Variants in POC1B observed in about 807,000 individuals in gnomAD.
POC1B encodes POC1 centriolar protein B.
Under a neutral mutation model 60.6 loss-of-function variants are expected in POC1B, and 44 were observed. The observed-to-expected ratio is 0.73, with a 90% CI of 0.57 to 0.93. The LOEUF (loss-of-function observed/expected upper bound fraction) is 0.93, where lower values mean the gene tolerates loss of function less well. Ranked by LOEUF, POC1B falls within the 40% of genes least tolerant of loss-of-function variation. The pLI is 0.00. For missense variants in POC1B, 555 were observed against 572.3 expected (o/e 0.97, Z 0.31); for synonymous variants, 180 against 198.9 (o/e 0.90, Z 0.80).
intron 7 of POC1B, among the ~76,000 whole-genome samples, chr12:89,469,259 C>T (rs1882798661): frequency 6.6e-6 from 1 of 151,978 alleles, no homozygotes; most frequent in African/African-American, 2.4e-5. Context: ...GAATCCATCT[C>T]AAAAATAAAG....
chr12:89,522,194 G>C (rs1870941935), intron 2 of POC1B: 1 of 398,476 alleles, frequency 2.5e-6, no homozygotes, highest in Admixed American at 4.4e-5. Flanking sequence ...TTTAAATATG[G>C]GTATGTCTGC....
In POC1B at chr12:89,523,920, G is replaced by A. The variant is rs546343531; in HGVS notation, c.100+1200C>T. On this transcript the variant is annotated intron_variant, in intron 2 of 11. Coordinates refer to ENST00000313546, the MANE Select transcript of POC1B (RefSeq NM_172240.3). ...TGGCGAAAGTGGCCCCAATCAGACG[G>A]GCCCTAACCAGCCCCTCTCGCTTAT... The A allele has an allele frequency of 4.4e-6, 7 of 1,607,232 alleles. No homozygotes were observed. The Admixed American group carries it at 1.2e-4, about 27-fold the overall frequency.
At chr12:89,416,650 C>T (rs1880371613), downstream of POC1B, among the ~76,000 whole-genome samples, 1 of 152,174 alleles carries the variant, frequency 6.6e-6, no homozygotes, top group East Asian at 1.9e-4. Flanking sequence ...CTGCTTCACC[C>T]TGCCCTAGTT....
intron 2 of POC1B, 186 bp downstream of exon 2, chr12:89,524,934 T>TG: frequency 1.1e-6 from 1 of 945,520 alleles, no homozygotes; most frequent in South Asian, 1.7e-5. Flanking sequence ...GGCCGGGGGC[T>TG]GGGGGCCGGG....
At chr12:89,484,196 CA>C (rs1443418576) in intron 4 of POC1B, among the ~76,000 whole-genome samples, 1 of 151,814 alleles carries the variant, frequency 6.6e-6, no homozygotes, top group East Asian at 1.9e-4. Flanking sequence ...TTGATTAATC[CA>C]AAAGGAGAGA....
chr12:89,434,891 T>A (rs1334991499), intron 10 of POC1B, among the ~76,000 whole-genome samples: 1 of 152,184 alleles, frequency 6.6e-6, no homozygotes, highest in African/African-American at 2.4e-5. Flanking sequence ...AGATGTAGTT[T>A]TAAAAGGGAT....
chr12:89,460,588 A>G (rs1039787386), intron 9 of POC1B: 6 of 152,240 alleles, frequency 3.9e-5, no homozygotes, highest in African/African-American at 1.2e-4. Flanking sequence ...CAACAGTTAA[A>G]CAGGCTGTAA....
intron 4 of POC1B, among the ~76,000 whole-genome samples, chr12:89,479,004 A>G (rs61014264): frequency 0.014 from 2,192 of 152,316 alleles, 42 homozygotes; most frequent in African/African-American, 0.046. Context: ...ATTCTTTTGT[A>G]AGTAAAAAGA....
rs1313476227 is a variant in POC1B, at chr12:89,526,033, A to G, written c.-138T>C. ...GGCAGCGCCTCCCGGTCACTACAAC[A>G]ACGGCGGCCCAGTCAAACCCCGCGC... On this transcript the variant is annotated 5_prime_UTR_variant, in exon 1 of 12. Transcript: ENST00000313546. 11 of 1,534,010 alleles carry G rather than the reference A, an allele frequency of 7.2e-6. No homozygotes were observed. The highest frequency in any genetic ancestry group is 2.5e-5 in the East Asian group (1 of 40,672).
chr12:89,472,358 G>A, intron 4 of POC1B, 83 bp from the exon 5 acceptor site: 1 of 882,468 alleles, frequency 1.1e-6, no homozygotes, highest in South Asian at 1.5e-5. Context: ...AATAAACCAG[G>A]CTGTAAATAT....
Position 89,525,140 on chromosome 12 carries a change from C to A in POC1B, c.80G>T (p.Ser27Ile), listed in dbSNP as rs2135784936. The A allele has an allele frequency of 6.2e-7, 1 of 1,614,050 alleles. No individual in the cohort carries two copies. Among genetic ancestry groups the A allele is most frequent in the African/African-American group, 1.3e-5 (1 of 75,056 alleles). The change falls in exon 2 of 12, where the codon AGC (serine) becomes ATC (isoleucine). Residue 27 changes from serine (S) to isoleucine (I), a missense_variant. By Grantham distance (142) the Ser-to-Ile change is moderately radical. Transcript: ENST00000313546. ...HKAAITSLDL[S>I]PNGKQLATAS... ...CTTACCAAGTTGCTTGCCGTTGGGG[C>A]TGAGGTCCAAGGAGGTGATCGCAGC...
the POC1B span, among the ~76,000 whole-genome samples, chr12:89,409,738 T>C: frequency 6.6e-6 from 1 of 152,166 alleles, no homozygotes; most frequent in Admixed American, 6.5e-5. Context: ...ACATACACCC[T>C]CCCAAGATTA....
At chr12:89,483,773 T>C (rs1868479016) in intron 4 of POC1B, among the ~76,000 whole-genome samples, 1 of 152,088 alleles carries the variant, frequency 6.6e-6, no homozygotes, top group African/African-American at 2.4e-5. Context: ...TTGAGAGAAG[T>C]CATCCATCAC....
chr12:89,446,713 G>A (rs554723029), intron 10 of POC1B, among the ~76,000 whole-genome samples: 20 of 149,662 alleles, frequency 1.3e-4, no homozygotes, highest in Non-Finnish European at 2.8e-4. Flanking sequence ...CAAACTTAAA[G>A]TGTAATTAAA....
chr12:89,467,156 T>C (rs563646276), intron 8 of POC1B, among the ~76,000 whole-genome samples: 41 of 152,268 alleles, frequency 2.7e-4, no homozygotes, highest in African/African-American at 9.6e-4. Flanking sequence ...AAATATCTGG[T>C]TATCTTAAAA....
intron 10 of POC1B, among the ~76,000 whole-genome samples, chr12:89,453,515 T>C (rs1199615194): frequency 6.6e-6 from 1 of 152,192 alleles, no homozygotes; most frequent in Non-Finnish European, 1.5e-5. Context: ...GTCTGTTTCC[T>C]AATGCTTAGG....
At chr12:89,433,333 G>A (rs17016874) in intron 10 of POC1B, among the ~76,000 whole-genome samples, 3,666 of 152,266 alleles carry the variant, frequency 0.024, 157 homozygotes, top group African/African-American at 0.085. Flanking sequence ...ACACAGGAGA[G>A]TGAGGGGATA....
chr12:89,504,185 G>C (rs1479390229), intron 2 of POC1B, among the ~76,000 whole-genome samples: 1 of 152,280 alleles, frequency 6.6e-6, no homozygotes, highest in Non-Finnish European at 1.5e-5. Context: ...GTGGGGAAAA[G>C]ATAGAGAAAT....
chr12:89,501,742 A>G, intron 2 of POC1B: 1 of 922,822 alleles, frequency 1.1e-6, no homozygotes, highest in Non-Finnish European at 1.8e-6. Flanking sequence ...TTCTTCAATA[A>G]GAAATGAATT....
Sources: gnomAD v4.1 joint callset for allele counts (sites outside exome capture counted in the v4.1 genomes callset) on GRCh38, gnomAD v4.1.1 for gene constraint, MANE v1.5 for transcripts, NCBI Gene and HGNC (gene_info 2026-07-23, HGNC 2026-07-21) for gene names.